Variants in TMEM232 observed in about 807,000 individuals in gnomAD.
TMEM232 encodes transmembrane protein 232.
A neutral mutation model predicts 78.8 loss-of-function variants in TMEM232; 80 were observed. That is an observed-to-expected ratio of 1.01 (90% CI 0.85 to 1.22). The LOEUF (loss-of-function observed/expected upper bound fraction) is 1.22, where lower values mean the gene tolerates loss of function less well. Among genes scored for constraint, TMEM232 ranks in the 50% most tolerant of loss-of-function variants. TMEM232 has a pLI of 0.00. For missense variants in TMEM232, 881 were observed against 742.2 expected, an observed-to-expected ratio of 1.19 and a Z score of -2.17; for synonymous variants, 297 against 254.3, an observed-to-expected ratio of 1.17 and a Z score of -1.60.
chr5:110,559,921 CCT>C (rs1340989854), intron 11 of TMEM232, among the ~76,000 whole-genome samples: 1 of 152,104 alleles, frequency 6.6e-6, no homozygotes, highest in East Asian at 1.9e-4. Context: ...CCAGTCTTTA[CCT>C]CTGTCTCCAC....
At chr5:110,606,863 C>A (rs1349263678) in intron 8 of TMEM232, among the ~76,000 whole-genome samples, 1 of 151,736 alleles carries the variant, frequency 6.6e-6, no homozygotes, top group East Asian at 1.9e-4. Flanking sequence ...TATAAATGTA[C>A]ATATATTTTG....
In TMEM232 at chr5:110,603,283, G is replaced by C. The variant is rs185922258; in HGVS notation, c.1276+1826C>G. On this transcript the variant is annotated intron_variant, in intron 10 of 13. Coordinates refer to ENST00000455884, the MANE Select transcript of TMEM232 (RefSeq NM_001039763.4). ...CTGCAAGTTCTACACATGTATCCCA[G>C]AACTTAAAGTATAATAATACATAAA... 2.6e-5 allele frequency among the ~76,000 whole-genome samples: 4 copies of C among 152,188 alleles called. No individual in the cohort carries two copies. The East Asian group carries it at 7.7e-4, about 29-fold the overall frequency.
rs895650691 is a variant in TMEM232, at chr5:110,437,714, C to A, written c.1704-12798G>T. 6.6e-5 allele frequency among the ~76,000 whole-genome samples: 10 copies of A among 152,086 alleles called. 1 individual carries two copies. In the East Asian group the frequency reaches 7.7e-4, roughly 12 times the overall value. On this transcript the variant is annotated intron_variant, in intron 12 of 13. Coordinates refer to ENST00000455884, the MANE Select transcript of TMEM232 (RefSeq NM_001039763.4). ...TTAAATGTTATGAAGCACCAGTTTT[C>A]CTTCTATAATAACTGCATAATTACC...
chr5:110,568,348 A>ACTC lies in TMEM232; in HGVS notation c.1455+96_1455+98dup, dbSNP rs1471720821. The ACTC allele has an allele frequency of 6.4e-6, 7 of 1,086,822 alleles. No homozygotes were observed. In the African/African-American group the frequency reaches 1.1e-4, roughly 18 times the overall value. The allele number at this position is 1,086,822 out of a possible 1,614,324, so 67.3% of individuals were successfully genotyped here. On this transcript the variant is annotated intron_variant, in intron 11 of 13. Coordinates refer to ENST00000455884, the MANE Select transcript of TMEM232 (RefSeq NM_001039763.4). ...TTATTCTCACCTGTAAGTCATTAAT[A>ACTC]CTCACTGAATGTAGACATTCCTTTT...
rs1256710693 is a variant in TMEM232, at chr5:110,667,268, T to G, written c.85A>C (p.Asn29His). Residue 29 changes from asparagine to histidine, a missense_variant, in exon 2 of 14, where the codon AAT (asparagine) becomes CAT (histidine). Asn to His is a moderately conservative substitution (Grantham distance 68). Transcript: ENST00000455884. ...CTTTCTCCACTTAAATGTTGAAAAT[T>G]TAATTTCCAGAGCTCTTCATGATAA... ...SPYHEELWKL[N>H]FQHLSGERGH... 6.5e-7 allele frequency: 1 copy of G among 1,547,542 alleles called. No homozygotes were observed. The highest frequency in any genetic ancestry group is 2.0e-5 in the Admixed American group (1 of 50,642).
chr5:110,715,909 CCT>C (rs767182256), intron 1 of TMEM232, among the ~76,000 whole-genome samples: 30 of 152,278 alleles, frequency 2.0e-4, no homozygotes, highest in Admixed American at 7.2e-4. Context: ...GTCGCTATAA[CCT>C]CTTATTATAA....
In TMEM232 at chr5:110,523,804, T is replaced by G. The variant is rs185166254; in HGVS notation, c.1703+4784A>C. Among the ~76,000 whole-genome samples, 477 of 151,780 alleles carry G rather than the reference T, an allele frequency of 3.1e-3. 1 individual carries two copies. Among genetic ancestry groups the G allele is most frequent in the Non-Finnish European group, 5.3e-3 (360 of 67,876 alleles). On this transcript the variant is annotated intron_variant, in intron 12 of 13. Transcript: ENST00000455884. Reference sequence around the variant, plus strand: ...CCTGTCTCTACAAAAATAAATTTTTTAAAAAACCTAGCTGAGTGTAGTGTC... The same window carrying G: ...CCTGTCTCTACAAAAATAAATTTTTGAAAAAACCTAGCTGAGTGTAGTGTC...
chr5:110,610,444 T>C, intron 8 of TMEM232: 2 of 331,372 alleles, frequency 6.0e-6, no homozygotes, highest in South Asian at 2.4e-5. Context: ...TAAAAACCCC[T>C]AAGCACAGAG....
chr5:110,615,574 A>G (rs1359196192), intron 8 of TMEM232, among the ~76,000 whole-genome samples: 1 of 152,020 alleles, frequency 6.6e-6, no homozygotes, highest in Non-Finnish European at 1.5e-5. Flanking sequence ...ATCAGGAACA[A>G]GACAAGAATG....
At chr5:110,720,808 T>C (rs970576016) in intron 1 of TMEM232, 1 of 152,160 alleles carries the variant, frequency 6.6e-6, no homozygotes, top group African/African-American at 2.4e-5. Context: ...TCTATTAATA[T>C]ACCACTCCAC....
intron 2 of TMEM232, among the ~76,000 whole-genome samples, chr5:110,408,857 C>A (rs1161301785): frequency 2.6e-5 from 4 of 152,180 alleles, no homozygotes; most frequent in Non-Finnish European, 5.9e-5. Flanking sequence ...AACATGCCCA[C>A]CTAGCCCACC....
chr5:110,707,409 T>C (rs1453883271), intron 1 of TMEM232, among the ~76,000 whole-genome samples: 59 of 152,174 alleles, frequency 3.9e-4, no homozygotes, highest in Non-Finnish European at 4.4e-5. Flanking sequence ...TCACAGTGGA[T>C]AACAAAGCTC....
At chr5:110,545,372 G>A (rs1393333795) in intron 11 of TMEM232, among the ~76,000 whole-genome samples, 1 of 151,886 alleles carries the variant, frequency 6.6e-6, no homozygotes, top group Non-Finnish European at 1.5e-5. Flanking sequence ...TTTGTACAGT[G>A]CCTGGTGCAT....
intron 8 of TMEM232, among the ~76,000 whole-genome samples, chr5:110,613,082 C>G (rs904504062): frequency 6.6e-6 from 1 of 152,104 alleles, no homozygotes; most frequent in African/African-American, 2.4e-5. Flanking sequence ...TTCTTTACTT[C>G]ATTGGCTTTT....
At chr5:110,505,541 A>G (rs905021843) in intron 12 of TMEM232, among the ~76,000 whole-genome samples, 6 of 152,128 alleles carry the variant, frequency 3.9e-5, no homozygotes, top group African/African-American at 1.4e-4. Context: ...GAGTCTTGAT[A>G]TGTCACCCAG....
At position 110,527,102 on chromosome 5, in the gene TMEM232, G is replaced by C. The variant is rs566782879; in HGVS notation, c.1703+1486C>G. ...TATTACCGAGGATAGGGAGGGATGG[G>C]GGGTAAATCAGGGAAAGAAGGGTCT... On this transcript the variant is annotated intron_variant, in intron 12 of 13. Coordinates refer to ENST00000455884, the MANE Select transcript of TMEM232 (RefSeq NM_001039763.4). 1.2e-3 allele frequency among the ~76,000 whole-genome samples: 187 copies of C among 151,888 alleles called. 1 individual carries two copies. Among genetic ancestry groups the C allele is most frequent in the Non-Finnish European group, 2.2e-3 (148 of 67,794 alleles).
chr5:110,460,305 GTGTGTGTA>G (rs1561523110), intron 12 of TMEM232, among the ~76,000 whole-genome samples: 1 of 151,946 alleles, frequency 6.6e-6, no homozygotes, highest in African/African-American at 2.4e-5. Context: ...GTGTGTGTGT[GTGTGTGTA>G]TGTGTGTGTA....
intron 10 of TMEM232, among the ~76,000 whole-genome samples, chr5:110,587,300 G>A (rs946896400): frequency 6.6e-6 from 1 of 151,904 alleles, no homozygotes; most frequent in African/African-American, 2.4e-5. Flanking sequence ...TTTTACAGGT[G>A]TCTCACTAAG....
chr5:110,706,093 T>C (rs1561545422), intron 1 of TMEM232, among the ~76,000 whole-genome samples: 1 of 152,016 alleles, frequency 6.6e-6, no homozygotes, highest in African/African-American at 2.4e-5. Context: ...AATGAAGACA[T>C]TGATAACCAA....
Sources: gnomAD v4.1 joint callset for allele counts (sites outside exome capture counted in the v4.1 genomes callset) on GRCh38, gnomAD v4.1.1 for gene constraint, MANE v1.5 for transcripts, NCBI Gene and HGNC (gene_info 2026-07-23, HGNC 2026-07-21) for gene names.